Variants in RELN observed in about 807,000 individuals in gnomAD.
RELN encodes the protein reelin.
Under a neutral mutation model 427.6 loss-of-function variants are expected in RELN, and 108 were observed. The observed-to-expected ratio is 0.25, with a 90% CI of 0.22 to 0.30. The LOEUF is 0.30. Ranked by LOEUF, RELN falls within the 10% of genes least tolerant of loss-of-function variation. RELN has a pLI of 1.00. For synonymous variants in RELN, 1,524 were observed against 1,513.4 expected (o/e 1.01, Z -0.16); for missense variants, 3,715 against 4,302.8 (o/e 0.86, Z 3.82).
At chr7:103,513,471 A>C (rs552571031) in intron 50 of RELN, 1 of 152,346 alleles carries the variant, frequency 6.6e-6, no homozygotes, top group East Asian at 1.9e-4. Context: ...ACAGGAAAAA[A>C]ATGAGTAATG....
chr7:103,936,426 G>C (rs905310093), intron 1 of RELN, among the ~76,000 whole-genome samples: 2 of 151,996 alleles, frequency 1.3e-5, no homozygotes, highest in Non-Finnish European at 2.9e-5. Context: ...GTTCATTCTA[G>C]TGTGCCTCTT....
At chr7:103,484,888 T>G (rs1828375093) in intron 61 of RELN, among the ~76,000 whole-genome samples, 1 of 152,138 alleles carries the variant, frequency 6.6e-6, no homozygotes, top group Non-Finnish European at 1.5e-5. Flanking sequence ...AAAGGCTGTC[T>G]GGAGATCAGA....
intron 4 of RELN, among the ~76,000 whole-genome samples, chr7:103,766,000 G>T (rs1284227447): frequency 1.3e-5 from 2 of 152,134 alleles, no homozygotes; most frequent in Non-Finnish European, 2.9e-5. Context: ...TTTTACTATG[G>T]TCATGTGAAT....
At chr7:103,974,715 T>C (rs1428120119) in intron 1 of RELN, among the ~76,000 whole-genome samples, 1 of 152,208 alleles carries the variant, frequency 6.6e-6, no homozygotes, top group Non-Finnish European at 1.5e-5. Flanking sequence ...TTGTCGAGTT[T>C]CCATTTTTGT....
intron 2 of RELN, among the ~76,000 whole-genome samples, chr7:103,850,851 A>T (rs915045375): frequency 6.6e-6 from 1 of 152,216 alleles, no homozygotes; most frequent in African/African-American, 2.4e-5. Context: ...GTGGGTATGG[A>T]TGCAGTGTAC....
intron 3 of RELN, among the ~76,000 whole-genome samples, chr7:103,778,547 C>G (rs1156411093): frequency 6.6e-6 from 1 of 152,178 alleles, no homozygotes; most frequent in African/African-American, 2.4e-5. Context: ...GCCAAATTAT[C>G]AAAATAAGAT....
rs903390648 is a variant in RELN, at chr7:103,603,600, C to T, written c.3147-110G>A. On this transcript the variant is annotated intron_variant, in intron 23 of 64. Transcript: ENST00000428762. The surrounding 1 kb of genome is among the most constrained non-coding windows in gnomAD (Gnocchi z 4.3). ...TTACTTTTGCTCAGGTCTTATCATTCACACTAGATTCTTCCCTACAGTGTT... is the reference window on the plus strand; with the variant it reads ...TTACTTTTGCTCAGGTCTTATCATTTACACTAGATTCTTCCCTACAGTGTT... The T allele has an allele frequency of 8.4e-6, 7 of 831,822 alleles. No individual in the cohort carries two copies. In the African/African-American group the frequency reaches 1.0e-4, roughly 12 times the overall value. 51.5% of individuals were successfully genotyped at this position (831,822 alleles called of 1,614,324 possible). A position where few individuals can be genotyped will look rare whatever the true frequency, so the allele number is the denominator to read the frequency against.
intron 2 of RELN, among the ~76,000 whole-genome samples, chr7:103,859,022 G>A (rs1412219571): frequency 6.6e-6 from 1 of 152,178 alleles, no homozygotes; most frequent in Non-Finnish European, 1.5e-5. Context: ...TCATGACTGT[G>A]AACAGTCATT....
intron 28 of RELN, among the ~76,000 whole-genome samples, chr7:103,578,898 T>C (rs1187070736): frequency 6.6e-6 from 1 of 152,246 alleles, no homozygotes; most frequent in Non-Finnish European, 1.5e-5. Flanking sequence ...GAACAATGAT[T>C]TCTTATTAAG....
At chr7:103,583,956 C>T (rs944715556) in intron 28 of RELN, among the ~76,000 whole-genome samples, 2 of 152,204 alleles carry the variant, frequency 1.3e-5, no homozygotes, top group African/African-American at 4.8e-5. Context: ...ACTCCTGAGA[C>T]CTGAATAGCT....
chr7:103,880,201 G>A (rs1794574707), intron 2 of RELN, among the ~76,000 whole-genome samples: 1 of 151,760 alleles, frequency 6.6e-6, no homozygotes, highest in African/African-American at 2.4e-5. Context: ...CAAGCAGAAA[G>A]ACAGCAAAGC....
intron 1 of RELN, among the ~76,000 whole-genome samples, chr7:103,925,068 C>T (rs1375867166): frequency 6.7e-6 from 1 of 150,000 alleles, no homozygotes; most frequent in East Asian, 2.0e-4. Context: ...AAAATATTAA[C>T]CTTGAGGTAA....
chr7:103,794,957 A>G (rs1437725535), intron 3 of RELN, among the ~76,000 whole-genome samples: 2 of 152,226 alleles, frequency 1.3e-5, no homozygotes, highest in Non-Finnish European at 2.9e-5. Context: ...CGTGCTTACC[A>G]TACTGAATAC....
At chr7:103,897,355 T>C (rs1794984090) in intron 2 of RELN, among the ~76,000 whole-genome samples, 1 of 152,110 alleles carries the variant, frequency 6.6e-6, no homozygotes, top group African/African-American at 2.4e-5. Flanking sequence ...CTTGGTGACA[T>C]CAGCTTTGGA....
At chr7:103,514,447 G>A (rs1386127220) in intron 50 of RELN, among the ~76,000 whole-genome samples, 1 of 152,132 alleles carries the variant, frequency 6.6e-6, no homozygotes, top group Non-Finnish European at 1.5e-5. Flanking sequence ...ATCACCTGAG[G>A]TTGGGGGTTC....
intron 2 of RELN, among the ~76,000 whole-genome samples, chr7:103,915,220 T>C (rs949266569): frequency 5.9e-5 from 9 of 152,068 alleles, no homozygotes; most frequent in African/African-American, 2.2e-4. Flanking sequence ...GTTAATAATC[T>C]CTACTCCTTC....
chr7:103,718,476 AC>A (rs1348513355), intron 8 of RELN, among the ~76,000 whole-genome samples: 1 of 152,158 alleles, frequency 6.6e-6, no homozygotes, highest in Non-Finnish European at 1.5e-5. Flanking sequence ...GTAATTACGT[AC>A]TGATAAACAC....
At chr7:103,558,628 A>T (rs1224014281) in intron 36 of RELN, among the ~76,000 whole-genome samples, 3 of 152,234 alleles carry the variant, frequency 2.0e-5, no homozygotes, top group Non-Finnish European at 4.4e-5. Flanking sequence ...AGAGAAGTCA[A>T]TGAACAAGGA....
At chr7:103,886,048 A>G (rs17157005) in intron 2 of RELN, among the ~76,000 whole-genome samples, 1 of 152,190 alleles carries the variant, frequency 6.6e-6, no homozygotes, top group Admixed American at 6.5e-5. Context: ...AAAACAATTT[A>G]TGTGAAGTGA....
Sources: allele counts gnomAD v4.1 joint callset (sites outside exome capture counted in the v4.1 genomes callset), GRCh38; gene constraint gnomAD v4.1.1; non-coding constraint Gnocchi (gnomAD v3.1); transcripts MANE v1.5; gene names NCBI Gene and HGNC (gene_info 2026-07-23, HGNC 2026-07-21).